DNAJC13: variants seen among roughly 807,000 people sequenced by gnomAD.
The protein encoded by DNAJC13 is DnaJ heat shock protein family (Hsp40) member C13, also known as dnaJ homolog subfamily C member 13.
DNAJC13 carries 75 observed loss-of-function variants against 290.5 expected under a neutral mutation model. The ratio of observed to expected loss-of-function variants is 0.26; its 90% CI spans 0.21 to 0.31. The LOEUF (loss-of-function observed/expected upper bound fraction) is 0.31. Among genes scored for constraint, DNAJC13 ranks in the 10% least tolerant of loss-of-function variants. The pLI, the probability that DNAJC13 is intolerant of heterozygous loss-of-function variation, is 1.00. For missense variants in DNAJC13, 2,260 were observed against 2,674.5 expected (o/e 0.85, Z 3.42); for synonymous variants, 862 against 892.0 (o/e 0.97, Z 0.60).
rs139838503 is a variant in DNAJC13 at position 132,509,677 on chromosome 3, C to T, written c.5116-1390C>T. Reference sequence around the variant, plus strand: ...TCTTTGTTTTACTTTGGGAAGCCACCCCAACCTTCAGCAACCACCACCCTG... The same window carrying T: ...TCTTTGTTTTACTTTGGGAAGCCACTCCAACCTTCAGCAACCACCACCCTG... On this transcript the variant is annotated intron_variant, in intron 43 of 55. Transcript: ENST00000260818. Among the ~76,000 whole-genome samples, 354 of 152,230 alleles carry T rather than the reference C, an allele frequency of 2.3e-3. 1 individual carries two copies. The highest frequency in any genetic ancestry group is 8.2e-3 in the African/African-American group (342 of 41,518).
chr3:132,460,640 T>TA (rs371452794), intron 14 of DNAJC13, among the ~76,000 whole-genome samples: 1 of 152,054 alleles, frequency 6.6e-6, no homozygotes, highest in Non-Finnish European at 1.5e-5. Flanking sequence ...TAAACTGCTC[T>TA]AAAAAAAATT....
chr3:132,534,920 A>G (rs1276015310), intron 55 of DNAJC13, among the ~76,000 whole-genome samples: 1 of 152,234 alleles, frequency 6.6e-6, no homozygotes, highest in Non-Finnish European at 1.5e-5. Context: ...TGTAGTTCTA[A>G]TAATGATAAA....
At chr3:132,448,438 A>G (rs188794769) in intron 5 of DNAJC13, among the ~76,000 whole-genome samples, 4 of 152,268 alleles carry the variant, frequency 2.6e-5, no homozygotes, top group East Asian at 3.9e-4. Flanking sequence ...CTGTGGTGGC[A>G]TATCAGAGTC....
At chr3:132,449,405 A>G (rs1420659047) in intron 5 of DNAJC13, among the ~76,000 whole-genome samples, 1 of 152,136 alleles carries the variant, frequency 6.6e-6, no homozygotes. Flanking sequence ...AAACAAGTAT[A>G]GTTTGGAAAG....
At chr3:132,523,834 C>A (rs575787757) in intron 51 of DNAJC13, 121 bp downstream of exon 51, 4 of 966,336 alleles carry the variant, frequency 4.1e-6, no homozygotes, top group African/African-American at 3.3e-5. Flanking sequence ...TTCAATATAG[C>A]AGCCACATTT....
chr3:132,492,475 A>G lies in DNAJC13; in HGVS notation c.3685A>G (p.Asn1229Asp). 1 of 1,613,924 alleles carries G rather than the reference A, an allele frequency of 6.2e-7. No individual in the cohort carries two copies. Among genetic ancestry groups the G allele is most frequent in the Non-Finnish European group, 8.5e-7 (1 of 1,179,850 alleles). ...GGATTTCACACCTCGTCTTCAGAGTAACACAAGAGCACTTTATCAGTATTG... is the reference window on the plus strand; with the variant it reads ...GGATTTCACACCTCGTCTTCAGAGTGACACAAGAGCACTTTATCAGTATTG... Reference protein sequence around the residue: ...LADFTPRLQSNTRALYQYCPI... With the variant: ...LADFTPRLQSDTRALYQYCPI... The change falls in exon 33 of 56, where the codon AAC becomes GAC. Residue 1229 changes from asparagine to aspartate, a missense_variant. This residue lies in a region of DNAJC13 where 1,494 missense variants were observed against 1,693.7 expected (regional missense o/e 0.88). Transcript: ENST00000260818.
intron 51 of DNAJC13, 87 bp downstream of exon 51, chr3:132,523,800 A>G: frequency 7.6e-7 from 1 of 1,318,228 alleles, no homozygotes; most frequent in Non-Finnish European, 1.0e-6. Context: ...CACAAAGACC[A>G]TGAATTAGGA....
chr3:132,527,024 T>C (rs913934732), intron 53 of DNAJC13, among the ~76,000 whole-genome samples: 7 of 152,228 alleles, frequency 4.6e-5, no homozygotes, highest in Non-Finnish European at 8.8e-5. Flanking sequence ...TTTTAAGATC[T>C]ATTGTGCATT....
intron 55 of DNAJC13, among the ~76,000 whole-genome samples, chr3:132,537,821 A>C (rs997405134): frequency 9.2e-5 from 14 of 152,104 alleles, no homozygotes; most frequent in African/African-American, 3.4e-4. Flanking sequence ...CTGAGTGTAG[A>C]GTTTCTTTTG....
chr3:132,526,519 A>C (rs1261494320), intron 53 of DNAJC13, among the ~76,000 whole-genome samples: 2 of 152,210 alleles, frequency 1.3e-5, no homozygotes, highest in Admixed American at 6.5e-5. Context: ...CACACACACA[A>C]AAATGGGGCC....
rs751746015 is a variant in DNAJC13 at position 132,478,116 on chromosome 3, A to G, written c.2685A>G (p.Arg895=). ...HEEIGPFTDT[R]YIIGMLERCT... is the part of the protein sequence containing the mutation. ...AAATAGGACCTTTTACAGATACCAG[A>G]TATATCATTGGAATGTTAGAGAGGG... is the stretch of plus-strand genomic sequence containing the variant. The change falls in exon 24 of 56, where the codon AGA becomes AGG. Residue 895 remains arginine, a synonymous_variant. Transcript: ENST00000260818. 1.2e-5 allele frequency: 19 copies of G among 1,611,324 alleles called. No individual in the cohort carries two copies. Among genetic ancestry groups the G allele is most frequent in the Admixed American group, 1.7e-5 (1 of 59,580 alleles).
chr3:132,487,278 A>G (rs1255246245), intron 29 of DNAJC13, among the ~76,000 whole-genome samples: 1 of 151,912 alleles, frequency 6.6e-6, no homozygotes, highest in Non-Finnish European at 1.5e-5. Flanking sequence ...ATTTTTTGAG[A>G]TGGAGTTTTA....
Position 132,465,622 on chromosome 3 carries a change from C to A in DNAJC13, c.1893-373C>A, listed in dbSNP as rs114453615. Among the ~76,000 whole-genome samples, 1,099 of 152,046 alleles carry A rather than the reference C, an allele frequency of 7.2e-3. 10 individuals are homozygous for A. The highest frequency in any genetic ancestry group is 0.025 in the African/African-American group (1,039 of 41,478). On this transcript the variant is annotated intron_variant, in intron 17 of 55. Coordinates refer to ENST00000260818, the MANE Select transcript of DNAJC13 (RefSeq NM_015268.4). ...TGCTTGTTCAGAATTCCAAAAAATG[C>A]CAGGATGCCATTGTCACTATATTAG...
At chr3:132,479,890 A>G (rs1459939873) in intron 25 of DNAJC13, among the ~76,000 whole-genome samples, 2 of 152,134 alleles carry the variant, frequency 1.3e-5, no homozygotes, top group African/African-American at 2.4e-5. Context: ...AGTAATGCAA[A>G]TGTTTTAAAC....
chr3:132,524,860 C>A (rs1017025900), intron 51 of DNAJC13, among the ~76,000 whole-genome samples: 2 of 152,126 alleles, frequency 1.3e-5, no homozygotes, highest in African/African-American at 4.8e-5. Flanking sequence ...GAAGGTCTTT[C>A]CAATCCGTTA....
In DNAJC13 at chr3:132,479,230, A is replaced by G. The variant is rs779897677; in HGVS notation, c.2713A>G (p.Thr905Ala). The change falls in exon 25 of 56, where the codon ACA becomes GCA. Residue 905 changes from threonine (T) to alanine (A), a missense_variant. By Grantham distance (58) the Thr-to-Ala change is moderately conservative. Transcript: ENST00000260818. Reference protein sequence around the residue: ...RYIIGMLERCTDKLERDRLIL... With the variant: ...RYIIGMLERCADKLERDRLIL... ...AGATTCTCATTTATTTCAATAGTGCACAGATAAACTTGAACGAGATAGGTT... is the reference window on the plus strand; with the variant it reads ...AGATTCTCATTTATTTCAATAGTGCGCAGATAAACTTGAACGAGATAGGTT... 2 of 1,602,954 alleles carry G rather than the reference A, an allele frequency of 1.2e-6. No homozygotes were observed. The highest frequency in any genetic ancestry group is 2.2e-5 in the East Asian group (1 of 44,622).
chr3:132,450,762 A>G lies in DNAJC13; in HGVS notation c.452A>G (p.Tyr151Cys). 6.2e-7 allele frequency: 1 copy of G among 1,607,776 alleles called. No homozygotes were observed. Among genetic ancestry groups the G allele is most frequent in the Non-Finnish European group, 8.5e-7 (1 of 1,174,562 alleles). Residue 151 changes from tyrosine to cysteine, a missense_variant, in exon 6 of 56, where the codon TAT becomes TGT. Physicochemically the swap from Tyr to Cys is radical, Grantham distance 194. This residue lies in a region of DNAJC13 where 762 missense variants were observed against 964.1 expected (regional missense o/e 0.79). Transcript: ENST00000260818. The stretch of plus-strand genomic sequence containing the variant: ...GCAACCAACAGAGTACTCTGTTCCT[A>G]TGACTATAGAAATATTGAAGGATTT... ...NPATNRVLCS[Y>C]DYRNIEGFVD... is the part of the protein sequence containing the mutation.
chr3:132,492,282 G>C, intron 32 of DNAJC13, 132 bp from the exon 33 acceptor site: 1 of 992,162 alleles, frequency 1.0e-6, no homozygotes, highest in Non-Finnish European at 1.5e-6. Flanking sequence ...ATATTTAAAA[G>C]CTCTCATTTT....
chr3:132,516,824 C>T lies in DNAJC13; in HGVS notation c.5673+8C>T. On this transcript the variant is annotated splice_region_variant and intron_variant, in intron 48 of 55. Transcript: ENST00000260818. ...AAACTGATAGGTCCAAAGGTAGGCA[C>T]AAAATAAGTTCTTGAAAGGAAATTA... The T allele has an allele frequency of 1.3e-6, 2 of 1,593,004 alleles. No individual in the cohort carries two copies. Among genetic ancestry groups the T allele is most frequent in the Non-Finnish European group, 1.7e-6 (2 of 1,166,670 alleles).
Sources: allele counts gnomAD v4.1 joint callset (sites outside exome capture counted in the v4.1 genomes callset), GRCh38; gene constraint gnomAD v4.1.1; regional missense constraint gnomAD v4.1.1; transcripts MANE v1.5; gene names NCBI Gene and HGNC (gene_info 2026-07-23, HGNC 2026-07-21).